The following PERM1 variants were observed in gnomAD, a reference collection of about 807,000 sequenced individuals.
PERM1 encodes the protein PGC-1 and ERR-induced regulator in muscle protein 1.
A neutral mutation model predicts 44.1 loss-of-function variants in PERM1; 45 were observed. The ratio of observed to expected loss-of-function variants is 1.02; its 90% CI spans 0.80 to 1.31. PERM1 has a LOEUF of 1.31. Ranked by LOEUF, PERM1 falls within the 50% of genes most tolerant of loss-of-function variation. PERM1 has a pLI of 0.00. For synonymous variants in PERM1, 565 were observed against 477.1 expected (o/e 1.18, Z -2.40); for missense variants, 1,189 against 1,106.9 (o/e 1.07, Z -1.05).
intron 1 of PERM1, 55 bp downstream of exon 2, chr1:978,826 C>G: frequency 1.4e-6 from 2 of 1,424,808 alleles, no homozygotes; most frequent in Non-Finnish European, 1.9e-6. Flanking sequence ...GGCCAAGATC[C>G]CTGGACAGTG....
At chr1:981,947 A>G, upstream of PERM1, 5 of 830,536 alleles carry the variant, frequency 6.0e-6, no homozygotes, top group Non-Finnish European at 8.4e-6. Flanking sequence ...AGGCCAGGGC[A>G]TGGTGGCTTC....
exon 1 of PERM1, chr1:980,987 A>G (rs908818742): frequency 1.8e-5 from 27 of 1,502,498 alleles, no homozygotes; most frequent in Non-Finnish European, 2.4e-5. Context: ...AACTCGGCCC[A>G]GTCCTGGTCA....
chr1:981,562 G>T (rs1304760445), upstream of PERM1, among the ~76,000 whole-genome samples: 1 of 152,254 alleles, frequency 6.6e-6, no homozygotes, highest in Non-Finnish European at 1.5e-5. Flanking sequence ...CACAGGAAAG[G>T]TTTACAGGGC....
At chr1:980,709 T>C (rs1643774089) in exon 1 of PERM1, 4 of 1,420,550 alleles carry the variant, frequency 2.8e-6, no homozygotes, top group Non-Finnish European at 3.7e-6. Flanking sequence ...CTTCTGCCCG[T>C]GCGGACGTGC....
chr1:981,266 A>G (rs1019499823), upstream of PERM1: 8 of 1,362,414 alleles, frequency 5.9e-6, no homozygotes, highest in Admixed American at 2.5e-5. Context: ...CCCAGCTCCC[A>G]TGACCCTAGT....
intron 1 of PERM1, among the ~76,000 whole-genome samples, chr1:978,657 G>T (rs1352543049): frequency 6.6e-6 from 1 of 152,230 alleles, no homozygotes; most frequent in African/African-American, 2.4e-5. Flanking sequence ...CGAACACAGG[G>T]CAACGGCGGC....
At chr1:979,113 T>C (rs777332674) in exon 1 of PERM1, 2 of 1,549,748 alleles carry the variant, frequency 1.3e-6, no homozygotes, top group South Asian at 1.2e-5. Flanking sequence ...CAGGATCAGC[T>C]CTCGGGAGCG....
At chr1:979,970 G>T in exon 1 of PERM1, 4 of 1,549,120 alleles carry the variant, frequency 2.6e-6, no homozygotes, top group Admixed American at 2.0e-5. Context: ...TCCCTGTCAG[G>T]TTGCGGCTCA....
exon 1 of PERM1, chr1:980,367 G>C: frequency 3.9e-6 from 6 of 1,550,158 alleles, no homozygotes; most frequent in Non-Finnish European, 5.2e-6. Context: ...GCCCGGCTTT[G>C]GCCATCAGCT....
intron 1 of PERM1, 50 bp downstream of exon 2, chr1:978,831 A>T: frequency 4.9e-6 from 7 of 1,419,478 alleles, no homozygotes; most frequent in Non-Finnish European, 6.5e-6. Context: ...AGATCCCTGG[A>T]CAGTGTGTGC....
chr1:976,047 C>T lies in PERM1; in HGVS notation c.*125G>A. On this transcript the variant is annotated 3_prime_UTR_variant, in exon 3 of 3. Coordinates refer to ENST00000433179, the Ensembl canonical transcript of PERM1. Reference sequence around the variant, plus strand: ...AGTCGGAGGGAGCAGCACCAGGACACGCCCCCCTCCTGGACGCGGTAGAAG... The same window carrying T: ...AGTCGGAGGGAGCAGCACCAGGACATGCCCCCCTCCTGGACGCGGTAGAAG... 7.4e-6 allele frequency: 7 copies of T among 949,580 alleles called. No individual in the cohort carries two copies. In the South Asian group the frequency reaches 1.2e-4, roughly 17 times the overall value. The allele number at this position is 949,580 out of a possible 1,614,324, so 58.8% of individuals were successfully genotyped here.
upstream of PERM1, chr1:981,085 G>A (rs1285017100): frequency 1.2e-5 from 18 of 1,547,196 alleles, no homozygotes; most frequent in Non-Finnish European, 1.4e-5. Flanking sequence ...GGGTCTTCAT[G>A]GGTTCAGGCC....
exon 3 of PERM1, chr1:976,171 C>G: frequency 6.5e-7 from 1 of 1,546,478 alleles, no homozygotes. Context: ...GGGCCTGGCT[C>G]CTAGGAGCTG....
At position 980,163 on chromosome 1, in the gene PERM1, T is replaced by C. The variant is rs114358412; in HGVS notation, c.867A>G (p.Pro289=). 3,129 of 1,550,434 alleles carry C rather than the reference T, an allele frequency of 2.0e-3. 53 individuals carry two copies. In the African/African-American group the frequency reaches 0.039, roughly 19 times the overall value. The change falls in exon 1 of 3, where the codon CCA becomes CCG. Residue 289 remains proline, a synonymous_variant. Coordinates refer to ENST00000433179, the Ensembl canonical transcript of PERM1. The stretch of plus-strand genomic sequence containing the variant: ...TGTCTGACTTAGCCCTTGAGACATC[T>C]GGGAGGGCTTCCCAGACAGTCGTGG...
In PERM1 at chr1:976,440, G is replaced by A. The variant is rs1570062725; in HGVS notation, c.2275+59C>T. On this transcript the variant is annotated intron_variant, in intron 2 of 2. Coordinates refer to ENST00000433179, the Ensembl canonical transcript of PERM1. ...GGGGCCCCCGTGCACCCCTCGTCCT[G>A]CCAGCGCCCCTCGGTCTGGCTTCTA... is the stretch of plus-strand genomic sequence containing the variant. 3.9e-6 allele frequency: 6 copies of A among 1,548,386 alleles called. No homozygotes were observed. The East Asian group carries it at 7.3e-5, about 19-fold the overall frequency.
chr1:980,008 G>A (rs778412567), exon 1 of PERM1: 39 of 1,545,074 alleles, frequency 2.5e-5, no homozygotes, highest in East Asian at 5.0e-5. Context: ...AGCCATGTCC[G>A]TGTCAGGTTG....
In PERM1 at chr1:978,869, G is replaced by A. The variant is rs762491595; in HGVS notation, c.2149+12C>T. The A allele has an allele frequency of 3.4e-6, 5 of 1,462,176 alleles. No individual in the cohort carries two copies. Among genetic ancestry groups the A allele is most frequent in the Non-Finnish European group, 4.5e-6 (5 of 1,103,340 alleles). 90.6% of individuals were successfully genotyped at this position (1,462,176 alleles called of 1,614,324 possible). Reference sequence around the variant, plus strand: ...GGGATCTGGACGGGCTGTGGGATCCGAGAGCACGTACCTGCCCGTCTAAGA... The same window carrying A: ...GGGATCTGGACGGGCTGTGGGATCCAAGAGCACGTACCTGCCCGTCTAAGA... On this transcript the variant is annotated intron_variant, in intron 1 of 2. Transcript: ENST00000433179.
At chr1:976,163 G>A in exon 3 of PERM1, 2 of 1,546,004 alleles carry the variant, frequency 1.3e-6, no homozygotes, top group South Asian at 1.2e-5. Context: ...CCTGGCCCGG[G>A]CCTGGCTCCT....
chr1:980,388 A>C, exon 1 of PERM1: 1 of 1,550,044 alleles, frequency 6.5e-7, no homozygotes, highest in Non-Finnish European at 8.7e-7. Context: ...TTGCCGTCTC[A>C]GGACTGGCCG....
Sources: gnomAD v4.1 joint callset for allele counts (sites outside exome capture counted in the v4.1 genomes callset) on GRCh38, gnomAD v4.1.1 for gene constraint, MANE v1.5 for transcripts, NCBI Gene and HGNC (gene_info 2026-07-23, HGNC 2026-07-21) for gene names.